DNM2: variants seen among roughly 807,000 people sequenced by gnomAD.
The protein encoded by DNM2 is dynamin-2.
DNM2 carries 15 observed loss-of-function variants against 99.0 expected under a neutral mutation model. That is an observed-to-expected ratio of 0.15 (90% CI 0.10 to 0.23). DNM2 has a LOEUF of 0.23. DNM2 is among the 10% of genes least tolerant of loss of function. The probability of loss-of-function intolerance (pLI) is 1.00; values close to 1 mark genes in which losing one functional copy is unlikely to be tolerated. For synonymous variants in DNM2, 525 were observed against 481.2 expected (o/e 1.09, Z -1.19); for missense variants, 742 against 1,189.4 (o/e 0.62, Z 5.53).
At chr19:10,734,722 A>T (rs76249529) in intron 1 of DNM2, among the ~76,000 whole-genome samples, 9,789 of 149,378 alleles carry the variant, frequency 0.066, 790 homozygotes, top group East Asian at 0.32. Context: ...TTTAAAAAAA[A>T]ATTTTTTTTT....
At chr19:10,791,396 C>T (rs1452964470) in intron 7 of DNM2, among the ~76,000 whole-genome samples, 2 of 152,156 alleles carry the variant, frequency 1.3e-5, no homozygotes, top group East Asian at 1.9e-4. Context: ...CCCAACTCCC[C>T]CTTTTTATAA....
chr19:10,741,077 C>T (rs1387546074), intron 1 of DNM2, among the ~76,000 whole-genome samples: 2 of 152,114 alleles, frequency 1.3e-5, no homozygotes, highest in Non-Finnish European at 2.9e-5. Flanking sequence ...CTGTACACAT[C>T]TGTCAGGTCT....
intron 5 of DNM2, among the ~76,000 whole-genome samples, chr19:10,779,058 A>G (rs960180279): frequency 5.3e-5 from 8 of 152,164 alleles, no homozygotes; most frequent in African/African-American, 1.4e-4. Flanking sequence ...TACTAAAAAT[A>G]CAAAAAATTA....
chr19:10,761,029 G>T (rs528324032), intron 2 of DNM2, among the ~76,000 whole-genome samples: 1 of 151,078 alleles, frequency 6.6e-6, no homozygotes, highest in Non-Finnish European at 1.5e-5. Context: ...TTGCTCTGTC[G>T]CCAGGCTGGA....
rs1255877438 is a variant in DNM2 at position 10,795,610 on chromosome 19, G to T, written c.1196+171G>T. On this transcript the variant is annotated intron_variant, in intron 9 of 20. Coordinates refer to ENST00000389253, the MANE Select transcript of DNM2 (RefSeq NM_001005361.3). The surrounding 1 kb of genome is among the most constrained non-coding windows in gnomAD (Gnocchi z 4.2). ...CTGAGGGTCTCCAAGGGCACATGAGGGTGGATGTGTCTTAGTCCTGCGTCC... is the reference window on the plus strand; with the variant it reads ...CTGAGGGTCTCCAAGGGCACATGAGTGTGGATGTGTCTTAGTCCTGCGTCC... 9.8e-6 allele frequency: 7 copies of T among 714,874 alleles called. No individual in the cohort carries two copies. Among genetic ancestry groups the T allele is most frequent in the Non-Finnish European group, 1.7e-5 (7 of 409,760 alleles). 44.3% of individuals were successfully genotyped at this position (714,874 alleles called of 1,614,324 possible). A position where few individuals can be genotyped will look rare whatever the true frequency, so the allele number is the denominator to read the frequency against.
intron 1 of DNM2, among the ~76,000 whole-genome samples, chr19:10,735,238 C>T (rs1033826915): frequency 6.6e-6 from 1 of 151,818 alleles, no homozygotes; most frequent in Non-Finnish European, 1.5e-5. Context: ...CGGGGTTTCA[C>T]CGTGTTAGCC....
intron 7 of DNM2, among the ~76,000 whole-genome samples, chr19:10,787,899 A>G (rs1368279024): frequency 6.6e-6 from 1 of 151,536 alleles, no homozygotes; most frequent in East Asian, 1.9e-4. Context: ...ATTGCACTCC[A>G]GCCTGGGTGA....
intron 18 of DNM2, among the ~76,000 whole-genome samples, chr19:10,827,200 C>T (rs894768984): frequency 3.9e-5 from 6 of 151,992 alleles, no homozygotes; most frequent in Admixed American, 6.6e-5. Flanking sequence ...CCTCATATAC[C>T]GATAGGATCG....
chr19:10,755,407 C>T (rs774571995), intron 1 of DNM2: 10 of 151,638 alleles, frequency 6.6e-5, no homozygotes, highest in Non-Finnish European at 1.0e-4. Flanking sequence ...CTGTCACCGC[C>T]GCTGCTGGTG....
Position 10,783,005 on chromosome 19 carries a change from A to G in DNM2, c.734A>G (p.Lys245Arg). 6.2e-7 allele frequency: 1 copy of G among 1,614,208 alleles called. No homozygotes were observed. The highest frequency in any genetic ancestry group is 8.5e-7 in the Non-Finnish European group (1 of 1,180,052). The change falls in exon 6 of 21, where the codon AAG becomes AGG. Residue 245 changes from lysine to arginine, a missense_variant. Physicochemically the swap from Lys to Arg is conservative, Grantham distance 26. Transcript: ENST00000389253. ...CGCAGCCAGAAGGATATTGAGGGCA[A>G]GAAGGACATCCGTGCAGCACTGGCA... ...VNRSQKDIEG[K>R]KDIRAALAAE...
chr19:10,809,611 C>T (rs1380392271), intron 14 of DNM2: 1 of 152,436 alleles, frequency 6.6e-6, no homozygotes, highest in East Asian at 1.9e-4. Flanking sequence ...GAACTGAACC[C>T]AGCTCAAGGA....
chr19:10,737,686 T>C (rs752087742), intron 1 of DNM2, among the ~76,000 whole-genome samples: 1 of 152,192 alleles, frequency 6.6e-6, no homozygotes, highest in Non-Finnish European at 1.5e-5. Context: ...GGTTTCACTA[T>C]GTTGGCCAGG....
intron 2 of DNM2, among the ~76,000 whole-genome samples, chr19:10,762,044 A>T (rs1334224983): frequency 6.6e-6 from 1 of 152,020 alleles, no homozygotes; most frequent in Non-Finnish European, 1.5e-5. Flanking sequence ...CTGCATTTTT[A>T]TTTTATTTTA....
At chr19:10,784,599 C>T (rs1033059558) in intron 6 of DNM2, among the ~76,000 whole-genome samples, 4 of 152,022 alleles carry the variant, frequency 2.6e-5, no homozygotes, top group Non-Finnish European at 5.9e-5. Context: ...CTTAAGTGCC[C>T]TAGTATCCTG....
chr19:10,743,669 G>T (rs141625758), intron 1 of DNM2, among the ~76,000 whole-genome samples: 5,457 of 152,002 alleles, frequency 0.036, 114 homozygotes, highest in Non-Finnish European at 0.044. Context: ...AATTAGCCGG[G>T]TGTGGTGGCG....
chr19:10,830,434 C>T lies in DNM2; in HGVS notation c.2543+56C>T. On this transcript the variant is annotated intron_variant, in intron 20 of 20. Coordinates refer to ENST00000389253, the MANE Select transcript of DNM2 (RefSeq NM_001005361.3). The surrounding 1 kb of genome is among the most constrained non-coding windows in gnomAD (Gnocchi z 4.8). ...CTGCCTGCACCCTGGGGTCTCTCCT[C>T]CTGTCTCACTTCCTCCCAGTGAGCT... The T allele has an allele frequency of 1.3e-6, 2 of 1,578,442 alleles. No individual in the cohort carries two copies. Among genetic ancestry groups the T allele is most frequent in the Non-Finnish European group, 1.7e-6 (2 of 1,161,716 alleles).
At chr19:10,814,859 C>G (rs1376633458) in intron 15 of DNM2, among the ~76,000 whole-genome samples, 1 of 152,204 alleles carries the variant, frequency 6.6e-6, no homozygotes, top group Non-Finnish European at 1.5e-5. Flanking sequence ...TTGACGTAAC[C>G]ATGGCTTAGT....
At chr19:10,779,510 T>TTTC (rs2071282356) in intron 5 of DNM2, among the ~76,000 whole-genome samples, 2 of 123,794 alleles carry the variant, frequency 1.6e-5, no homozygotes, top group Non-Finnish European at 3.4e-5. Flanking sequence ...TTCTTTTTTT[T>TTTC]TTTTTTTTTT....
Position 10,772,727 on chromosome 19 carries a change from G to A in DNM2, c.385+99G>A, listed in dbSNP as rs1027135477. On this transcript the variant is annotated intron_variant, in intron 3 of 20. Coordinates refer to ENST00000389253, the MANE Select transcript of DNM2 (RefSeq NM_001005361.3). The surrounding 1 kb of genome is among the most constrained non-coding windows in gnomAD (Gnocchi z 4.9). ...GTACTTCCACTCATGGGTATCATGTGCCCATTCACAAACAGTTGATATTCA... is the reference window on the plus strand; with the variant it reads ...GTACTTCCACTCATGGGTATCATGTACCCATTCACAAACAGTTGATATTCA... The A allele has an allele frequency of 1.7e-5, 27 of 1,550,618 alleles. No homozygotes were observed. The African/African-American group carries it at 2.6e-4, about 15-fold the overall frequency.
Sources: allele counts gnomAD v4.1 joint callset (sites outside exome capture counted in the v4.1 genomes callset), GRCh38; gene constraint gnomAD v4.1.1; non-coding constraint Gnocchi (gnomAD v3.1); transcripts MANE v1.5; gene names NCBI Gene and HGNC (gene_info 2026-07-23, HGNC 2026-07-21).